Variants in SCFD1 observed in about 807,000 individuals in gnomAD.
SCFD1 encodes the protein sec1 family domain containing 1.
Under a neutral mutation model 103.2 loss-of-function variants are expected in SCFD1, and 37 were observed. That is an observed-to-expected ratio of 0.36 (90% CI 0.28 to 0.47). SCFD1 has a LOEUF of 0.47. Among genes scored for constraint, SCFD1 ranks in the 20% least tolerant of loss-of-function variants. SCFD1 has a pLI of 1.00. For missense variants in SCFD1, 639 were observed against 761.2 expected (o/e 0.84, Z 1.89); for synonymous variants, 264 against 245.0 (o/e 1.08, Z -0.73).
intron 23 of SCFD1, among the ~76,000 whole-genome samples, chr14:30,724,098 G>T (rs947535200): frequency 7.6e-6 from 1 of 131,122 alleles, no homozygotes; most frequent in African/African-American, 3.2e-5. Flanking sequence ...AAAAAAAAAG[G>T]CTGACTGGTG....
chr14:30,633,121 G>A (rs1201616397), intron 3 of SCFD1, among the ~76,000 whole-genome samples: 1 of 152,130 alleles, frequency 6.6e-6, no homozygotes, highest in Non-Finnish European at 1.5e-5. Flanking sequence ...TTAGACAGTT[G>A]GACAAGCAGT....
intron 14 of SCFD1, among the ~76,000 whole-genome samples, chr14:30,693,047 T>G (rs1319820380): frequency 6.6e-6 from 1 of 152,206 alleles, no homozygotes; most frequent in Non-Finnish European, 1.5e-5. Flanking sequence ...GTATCAATTT[T>G]AGTATTCAAA....
rs1389884642 is a variant in SCFD1, at chr14:30,666,724, T to C, written c.856-3532T>C. On this transcript the variant is annotated intron_variant, in intron 10 of 24. Transcript: ENST00000458591. ...ATAAAAAATGATAAAGGGGATATCA[T>C]CACTGATCCCACAGAAATACAAACT... is the stretch of plus-strand genomic sequence containing the variant. 2.6e-5 allele frequency among the ~76,000 whole-genome samples: 4 copies of C among 151,760 alleles called. No homozygotes were observed. In the South Asian group the frequency reaches 6.2e-4, roughly 24 times the overall value.
At chr14:30,707,963 T>C in intron 18 of SCFD1, 27 bp from the exon 19 acceptor site, 1 of 1,504,744 alleles carries the variant, frequency 6.6e-7, no homozygotes, top group Non-Finnish European at 9.3e-7. Context: ...GTACTTAGAA[T>C]GGTCCTTCTC....
chr14:30,628,860 A>T (rs1261208730), intron 2 of SCFD1, among the ~76,000 whole-genome samples: 1 of 152,212 alleles, frequency 6.6e-6, no homozygotes, highest in Non-Finnish European at 1.5e-5. Context: ...ACTGGTTAAC[A>T]GTCTCTTTAT....
intron 19 of SCFD1, chr14:30,715,674 G>T: frequency 3.3e-6 from 1 of 299,476 alleles, no homozygotes; most frequent in Non-Finnish European, 6.1e-6. Flanking sequence ...ACATGTATTT[G>T]TACTAAAACC....
At chr14:30,632,294 A>G (rs1287827216) in intron 3 of SCFD1, among the ~76,000 whole-genome samples, 8 of 152,134 alleles carry the variant, frequency 5.3e-5, no homozygotes, top group Admixed American at 5.2e-4. Flanking sequence ...ATCAGCTCAA[A>G]TTCTTCAGTT....
Position 30,638,029 on chromosome 14 carries a change from TG to T in SCFD1, c.313-95del, listed in dbSNP as rs1042184314. 6.0e-6 allele frequency: 8 copies of T among 1,329,830 alleles called. No homozygotes were observed. In the African/African-American group the frequency reaches 1.2e-4, roughly 21 times the overall value. The allele number at this position is 1,329,830 out of a possible 1,614,324, so 82.4% of individuals were successfully genotyped here. ...TTTTTTGATTGTCATTTAAATATCCTGTCTTTTAAATATAACTTTGCCTTAT... is the reference window on the plus strand; with the variant it reads ...TTTTTTGATTGTCATTTAAATATCCTTCTTTTAAATATAACTTTGCCTTAT... On this transcript the variant is annotated intron_variant, in intron 4 of 24. Coordinates refer to ENST00000458591, the MANE Select transcript of SCFD1 (RefSeq NM_016106.4).
intron 10 of SCFD1, among the ~76,000 whole-genome samples, chr14:30,656,770 A>C (rs1459494363): frequency 6.6e-6 from 1 of 152,116 alleles, no homozygotes; most frequent in Non-Finnish European, 1.5e-5. Flanking sequence ...CCATTTGAGA[A>C]GGCTCCAGGG....
At chr14:30,703,950 TATATATATATATAA>T (rs1356411401) in intron 17 of SCFD1, among the ~76,000 whole-genome samples, 726 of 58,304 alleles carry the variant, frequency 0.012, 27 homozygotes, top group East Asian at 0.046. Context: ...TATATATATA[TATATATATATATAA>T]ATAATGAGAT....
Position 30,703,157 on chromosome 14 carries a change from AT to A in SCFD1, c.1490+785del, listed in dbSNP as rs538492716. On this transcript the variant is annotated intron_variant, in intron 17 of 24. Coordinates refer to ENST00000458591, the MANE Select transcript of SCFD1 (RefSeq NM_016106.4). ...AGGCCCCAACTGTCAGTGAATTCAC[AT>A]TTGTGTTGAGGAAACAATTAACAAA... 3.0e-4 allele frequency among the ~76,000 whole-genome samples: 46 copies of A among 152,068 alleles called. 1 individual carries two copies. The South Asian group carries it at 8.9e-3, about 30-fold the overall frequency.
chr14:30,625,470 A>G (rs1438102988), intron 1 of SCFD1, among the ~76,000 whole-genome samples: 1 of 152,168 alleles, frequency 6.6e-6, no homozygotes. Flanking sequence ...TTTAGAGCCA[A>G]TAAGAAAAAT....
chr14:30,713,927 T>C (rs1288311013), intron 19 of SCFD1, among the ~76,000 whole-genome samples: 3 of 152,216 alleles, frequency 2.0e-5, no homozygotes, highest in Non-Finnish European at 4.4e-5. Flanking sequence ...TTTTCTCTTT[T>C]GGATAAAGCA....
chr14:30,630,333 A>G, intron 2 of SCFD1, 144 bp from the exon 3 acceptor site: 1 of 649,550 alleles, frequency 1.5e-6, no homozygotes, highest in East Asian at 2.8e-5. Flanking sequence ...GTTCACTGAT[A>G]ATGATGGAAA....
intron 15 of SCFD1, among the ~76,000 whole-genome samples, chr14:30,699,556 T>C (rs1594725731): frequency 1.3e-5 from 2 of 152,196 alleles, no homozygotes; most frequent in East Asian, 3.8e-4. Flanking sequence ...AGTCTTATGT[T>C]TTGTCTTAAA....
rs1322029482 is a variant in SCFD1 at position 30,673,951 on chromosome 14, A to AT, written c.1115dup (p.Ser373LysfsTer5). On this transcript the variant is annotated frameshift_variant, in exon 13 of 25. Transcript: ENST00000458591. LOFTEE classifies it high-confidence loss of function. ...ACTAGAAGGGGAAGATGAAGGAGCC[A>AT]TAAGTATGCTTTCTGACAATACCGC... is the stretch of plus-strand genomic sequence containing the variant. The AT allele has an allele frequency of 6.2e-7, 1 of 1,613,708 alleles. No homozygotes were observed. Among genetic ancestry groups the AT allele is most frequent in the Non-Finnish European group, 8.5e-7 (1 of 1,179,814 alleles).
At chr14:30,643,487 T>A in intron 7 of SCFD1, 82 bp downstream of exon 7, 1 of 943,870 alleles carries the variant, frequency 1.1e-6, no homozygotes, top group Non-Finnish European at 1.7e-6. Context: ...GTAATGTGAT[T>A]CGTTCTCACT....
At chr14:30,701,023 T>C (rs1440150738) in intron 16 of SCFD1, among the ~76,000 whole-genome samples, 1 of 152,244 alleles carries the variant, frequency 6.6e-6, no homozygotes, top group Non-Finnish European at 1.5e-5. Flanking sequence ...TTGACTTTAA[T>C]GTTAACTGTA....
chr14:30,704,526 T>G (rs1891335967), intron 17 of SCFD1, among the ~76,000 whole-genome samples: 1 of 152,200 alleles, frequency 6.6e-6, no homozygotes, highest in Admixed American at 6.5e-5. Flanking sequence ...AAACTATTTT[T>G]TGTTGTTGTT....
Sources: allele counts gnomAD v4.1 joint callset (sites outside exome capture counted in the v4.1 genomes callset), GRCh38; gene constraint gnomAD v4.1.1; transcripts MANE v1.5; gene names NCBI Gene and HGNC (gene_info 2026-07-23, HGNC 2026-07-21).